Variants in LRRTM4 observed in about 807,000 individuals in gnomAD.
LRRTM4 encodes leucine-rich repeat transmembrane neuronal protein 4.
LRRTM4 carries 25 observed loss-of-function variants against 47.6 expected under a neutral mutation model. That is an observed-to-expected ratio of 0.53 (90% CI 0.38 to 0.73). The LOEUF is 0.73. Ranked by LOEUF, LRRTM4 falls within the 30% of genes least tolerant of loss-of-function variation. The pLI, the probability that LRRTM4 is intolerant of heterozygous loss-of-function variation, is 0.00. For missense variants in LRRTM4, 638 were observed against 713.4 expected (o/e 0.89, Z 1.20); for synonymous variants, 311 against 269.5 (o/e 1.15, Z -1.51).
chr2:76,788,493 T>C (rs561283224), intron 3 of LRRTM4, among the ~76,000 whole-genome samples: 71 of 152,208 alleles, frequency 4.7e-4, no homozygotes, highest in African/African-American at 1.6e-3. Context: ...AGATACAGAG[T>C]GTAATGCTCT....
chr2:76,932,647 AAAATATTTTCT>A (rs1320815374), intron 3 of LRRTM4, among the ~76,000 whole-genome samples: 7 of 152,198 alleles, frequency 4.6e-5, no homozygotes, highest in South Asian at 2.1e-4. Context: ...AGATATTTCT[AAAATATTTTCT>A]AAATATTTTC....
intron 3 of LRRTM4, among the ~76,000 whole-genome samples, chr2:77,007,334 G>C (rs569613972): frequency 6.6e-6 from 1 of 152,188 alleles, no homozygotes; most frequent in South Asian, 2.1e-4. Flanking sequence ...AGGAAATGCT[G>C]AGTAACTTTA....
rs1193472066 is a variant in LRRTM4 at position 77,311,059 on chromosome 2, C to T, written c.1551+207259G>A. ...TGTGAGAGATATTTATATACACACA[C>T]ATATATATATATATCATTTGACCTA... On this transcript the variant is annotated intron_variant, in intron 3 of 3. Coordinates refer to ENST00000409884, the MANE Select transcript of LRRTM4 (RefSeq NM_001134745.3). Among the ~76,000 whole-genome samples the T allele has an allele frequency of 1.1e-4, 17 of 150,444 alleles. No homozygotes were observed. The East Asian group carries it at 1.2e-3, about 10-fold the overall frequency.
chr2:77,414,816 A>T (rs981647594), intron 3 of LRRTM4, among the ~76,000 whole-genome samples: 3 of 150,730 alleles, frequency 2.0e-5, no homozygotes, highest in African/African-American at 7.3e-5. Flanking sequence ...TCCCTCGCAC[A>T]CAATAGCACC....
intron 3 of LRRTM4, among the ~76,000 whole-genome samples, chr2:76,815,451 A>G (rs1361777421): frequency 6.6e-6 from 1 of 152,118 alleles, no homozygotes; most frequent in African/African-American, 2.4e-5. Context: ...AGTATGGCTG[A>G]TATCAGCTGA....
chr2:77,310,137 AAACTATAT>A (rs1356128778), intron 3 of LRRTM4, among the ~76,000 whole-genome samples: 5 of 152,136 alleles, frequency 3.3e-5, no homozygotes, highest in African/African-American at 1.2e-4. Flanking sequence ...TGAAGTTATA[AAACTATAT>A]ATGCTAAGCT....
chr2:77,327,358 C>T (rs894979761), intron 3 of LRRTM4, among the ~76,000 whole-genome samples: 3 of 152,122 alleles, frequency 2.0e-5, no homozygotes, highest in African/African-American at 7.2e-5. Context: ...CTACAGCTTT[C>T]CAATATTACA....
intron 3 of LRRTM4, among the ~76,000 whole-genome samples, chr2:77,480,822 G>GTGTGGAGA (rs1222517611): frequency 2.5e-4 from 19 of 74,516 alleles, no homozygotes; most frequent in South Asian, 1.2e-3. Context: ...GTGTGTGTGT[G>GTGTGGAGA]GAGAGAGAGA....
chr2:77,444,122 G>C (rs1220844728), intron 3 of LRRTM4, among the ~76,000 whole-genome samples: 1 of 151,966 alleles, frequency 6.6e-6, no homozygotes, highest in Non-Finnish European at 1.5e-5. Flanking sequence ...CAAAATTCAG[G>C]AATTCTTAGG....
chr2:77,313,196 G>C (rs1035135397), intron 3 of LRRTM4, among the ~76,000 whole-genome samples: 1 of 150,388 alleles, frequency 6.6e-6, no homozygotes, highest in Admixed American at 6.6e-5. Flanking sequence ...GAGACCTGTT[G>C]TGGTGATGTG....
chr2:77,260,227 C>A (rs1675881519), intron 3 of LRRTM4, among the ~76,000 whole-genome samples: 1 of 152,016 alleles, frequency 6.6e-6, no homozygotes, highest in Non-Finnish European at 1.5e-5. Context: ...AAAGAATAAA[C>A]CCATCCAAAA....
intron 3 of LRRTM4, among the ~76,000 whole-genome samples, chr2:76,932,494 T>C (rs1387231087): frequency 6.6e-6 from 1 of 152,012 alleles, no homozygotes; most frequent in Non-Finnish European, 1.5e-5. Context: ...GTTAGGAGTG[T>C]GAGTGCAAAA....
intron 3 of LRRTM4, among the ~76,000 whole-genome samples, chr2:76,949,109 T>TAC (rs1675417823): frequency 1.1e-5 from 1 of 87,598 alleles, no homozygotes; most frequent in African/African-American, 8.3e-5. Flanking sequence ...AAGAGTGCTT[T>TAC]AGCTAATAAA....
At chr2:77,493,735 A>C (rs1478501109) in intron 3 of LRRTM4, among the ~76,000 whole-genome samples, 2 of 152,156 alleles carry the variant, frequency 1.3e-5, no homozygotes, top group Non-Finnish European at 2.9e-5. Flanking sequence ...ACATCAACGA[A>C]ATATCCATTT....
intron 3 of LRRTM4, among the ~76,000 whole-genome samples, chr2:76,835,100 G>T (rs1422592681): frequency 1.3e-5 from 2 of 152,062 alleles, no homozygotes; most frequent in Non-Finnish European, 2.9e-5. Context: ...TATTCTTTGT[G>T]CATGATAATG....
At chr2:77,396,908 G>A (rs916176205) in intron 3 of LRRTM4, among the ~76,000 whole-genome samples, 7 of 151,868 alleles carry the variant, frequency 4.6e-5, no homozygotes, top group African/African-American at 1.7e-4. Context: ...TTCTCTTACT[G>A]TGATTCTTTA....
chr2:77,150,891 A>G (rs1355791791), intron 3 of LRRTM4, among the ~76,000 whole-genome samples: 2 of 152,012 alleles, frequency 1.3e-5, no homozygotes, highest in Non-Finnish European at 2.9e-5. Flanking sequence ...TTGTTGGTGT[A>G]TTTCTCCATC....
chr2:77,065,644 G>A (rs1679926037), intron 3 of LRRTM4, among the ~76,000 whole-genome samples: 2 of 152,220 alleles, frequency 1.3e-5, no homozygotes, highest in South Asian at 4.1e-4. Flanking sequence ...TGTGATTCAG[G>A]AGAAATATAC....
chr2:76,840,137 G>T (rs1671629712), intron 3 of LRRTM4, among the ~76,000 whole-genome samples: 1 of 152,110 alleles, frequency 6.6e-6, no homozygotes, highest in African/African-American at 2.4e-5. Context: ...GAATTTTCTT[G>T]TGAAGAAGTA....
Sources: allele counts gnomAD v4.1 joint callset (sites outside exome capture counted in the v4.1 genomes callset), GRCh38; gene constraint gnomAD v4.1.1; transcripts MANE v1.5; gene names NCBI Gene and HGNC (gene_info 2026-07-23, HGNC 2026-07-21).